The following GRIA1 variants were observed in gnomAD, a reference collection of about 807,000 sequenced individuals.
GRIA1 encodes glutamate receptor 1.
GRIA1 carries 31 observed loss-of-function variants against 99.2 expected under a neutral mutation model. The ratio of observed to expected loss-of-function variants is 0.31; its 90% CI spans 0.23 to 0.42. GRIA1 has a LOEUF of 0.42. Among genes scored for constraint, GRIA1 ranks in the 10% least tolerant of loss-of-function variants. The pLI, the probability that GRIA1 is intolerant of heterozygous loss-of-function variation, is 1.00. For synonymous variants in GRIA1, 438 were observed against 432.4 expected (o/e 1.01, Z -0.16); for missense variants, 782 against 1,157.5 (o/e 0.68, Z 4.71).
chr5:153,507,549 G>A (rs895897743), intron 2 of GRIA1, among the ~76,000 whole-genome samples: 2 of 152,138 alleles, frequency 1.3e-5, no homozygotes, highest in South Asian at 4.1e-4. Flanking sequence ...AAATGTGGGT[G>A]TCTGGTTTCA....
intron 2 of GRIA1, among the ~76,000 whole-genome samples, chr5:153,593,252 G>A (rs1764134371): frequency 6.6e-6 from 1 of 152,110 alleles, no homozygotes; most frequent in African/African-American, 2.4e-5. Flanking sequence ...GGGTGACAGA[G>A]TAAAATTCCA....
At chr5:153,563,301 C>T (rs887739860) in intron 2 of GRIA1, among the ~76,000 whole-genome samples, 4 of 152,014 alleles carry the variant, frequency 2.6e-5, no homozygotes, top group African/African-American at 9.7e-5. Context: ...GAGTTATTTT[C>T]CAGCCCACGA....
intron 13 of GRIA1, among the ~76,000 whole-genome samples, chr5:153,779,497 T>G (rs1581643933): frequency 6.6e-6 from 1 of 152,346 alleles, no homozygotes; most frequent in East Asian, 1.9e-4. Context: ...TTATTTGTTT[T>G]GGAGGATTCT....
intron 2 of GRIA1, among the ~76,000 whole-genome samples, chr5:153,499,689 A>G (rs536016755): frequency 1.6e-4 from 24 of 151,084 alleles, no homozygotes; most frequent in African/African-American, 5.1e-4. Flanking sequence ...AAATAGCCCA[A>G]CGGTAGAAGT....
At chr5:153,608,252 C>T (rs1157398847) in intron 2 of GRIA1, among the ~76,000 whole-genome samples, 1 of 152,098 alleles carries the variant, frequency 6.6e-6, no homozygotes, top group Non-Finnish European at 1.5e-5. Context: ...AATTTAACAT[C>T]ATTTGGGTAC....
chr5:153,548,078 T>G (rs1366828296), intron 2 of GRIA1, among the ~76,000 whole-genome samples: 1 of 152,188 alleles, frequency 6.6e-6, no homozygotes, highest in Non-Finnish European at 1.5e-5. Flanking sequence ...CTTGCATGAA[T>G]TTTTACTCCT....
intron 5 of GRIA1, among the ~76,000 whole-genome samples, chr5:153,661,923 T>A (rs1472265690): frequency 6.6e-6 from 1 of 152,172 alleles, no homozygotes; most frequent in Admixed American, 6.5e-5. Context: ...GGTTCATGCT[T>A]GAATAATACC....
chr5:153,562,424 G>A (rs1295634778), intron 2 of GRIA1, among the ~76,000 whole-genome samples: 1 of 152,134 alleles, frequency 6.6e-6, no homozygotes, highest in African/African-American at 2.4e-5. Flanking sequence ...GAGAATCTGT[G>A]ACCTCTGAGT....
At chr5:153,599,766 C>A (rs1201879098) in intron 2 of GRIA1, among the ~76,000 whole-genome samples, 1 of 151,848 alleles carries the variant, frequency 6.6e-6, no homozygotes, top group African/African-American at 2.4e-5. Context: ...AAGACTTAAA[C>A]GACTAACTCT....
Position 153,615,422 on chromosome 5 carries a change from G to A in GRIA1, c.221-31506G>A, listed in dbSNP as rs542036626. Among the ~76,000 whole-genome samples, 6 of 152,260 alleles carry A rather than the reference G, an allele frequency of 3.9e-5. No individual in the cohort carries two copies. In the South Asian group the frequency reaches 6.2e-4, roughly 16 times the overall value. The stretch of plus-strand genomic sequence containing the variant: ...ATTGGGAGTCTGAGATGAAAGGACC[G>A]CTTGAGACCAGGAGTATGAGACCAT... On this transcript the variant is annotated intron_variant, in intron 2 of 15. Transcript: ENST00000285900.
At chr5:153,729,639 CT>C (rs1426231495) in intron 11 of GRIA1, among the ~76,000 whole-genome samples, 5 of 152,028 alleles carry the variant, frequency 3.3e-5, no homozygotes, top group African/African-American at 1.2e-4. Flanking sequence ...TACATTTCAT[CT>C]TGTGAATTTT....
intron 2 of GRIA1, among the ~76,000 whole-genome samples, chr5:153,632,761 G>A (rs1753072636): frequency 1.3e-5 from 2 of 152,264 alleles, no homozygotes; most frequent in East Asian, 1.9e-4. Context: ...TTTTGAAATA[G>A]ATTAGACCCA....
intron 11 of GRIA1, among the ~76,000 whole-genome samples, chr5:153,741,209 A>G (rs946892432): frequency 7.9e-5 from 12 of 151,614 alleles, no homozygotes; most frequent in African/African-American, 2.9e-4. Flanking sequence ...CTCCTGACCT[A>G]GTGATCCGCC....
At chr5:153,692,156 A>G (rs1057360190) in intron 8 of GRIA1, among the ~76,000 whole-genome samples, 1 of 152,090 alleles carries the variant, frequency 6.6e-6, no homozygotes, top group South Asian at 2.1e-4. Flanking sequence ...CCTCCTTGTC[A>G]TTCAGGTCTC....
intron 2 of GRIA1, among the ~76,000 whole-genome samples, chr5:153,544,137 A>G (rs896426210): frequency 6.6e-6 from 1 of 152,164 alleles, no homozygotes; most frequent in Non-Finnish European, 1.5e-5. Context: ...GAGGAATGAT[A>G]TCACTGTGAT....
At position 153,699,034 on chromosome 5, in the gene GRIA1, G is replaced by C; in HGVS notation, c.1413G>C (p.Thr471=). 6.2e-7 allele frequency: 1 copy of C among 1,613,972 alleles called. No individual in the cohort carries two copies. Among genetic ancestry groups the C allele is most frequent in the Non-Finnish European group, 8.5e-7 (1 of 1,179,910 alleles). Residue 471 remains threonine (T), a synonymous_variant, in exon 10 of 16, where the codon ACG becomes ACC. Coordinates refer to ENST00000285900, the MANE Select transcript of GRIA1 (RefSeq NM_000827.4). ...DGKYGARDPD[T]KAWNGMVGEL... ...AATACGGAGCCCGAGACCCTGACAC[G>C]AAGGCCTGGAATGGCATGGTGGGAG...
At chr5:153,784,860 T>A (rs186985914) in intron 13 of GRIA1, among the ~76,000 whole-genome samples, 1 of 152,208 alleles carries the variant, frequency 6.6e-6, no homozygotes, top group East Asian at 1.9e-4. Flanking sequence ...AAGGAGTGCA[T>A]CTAGGACCCA....
chr5:153,809,887 C>T (rs916775065), intron 15 of GRIA1, among the ~76,000 whole-genome samples: 4 of 152,156 alleles, frequency 2.6e-5, no homozygotes, highest in Admixed American at 1.3e-4. Flanking sequence ...GAGAACAGAA[C>T]GCACCTTGAA....
chr5:153,736,852 C>T (rs564725598), intron 11 of GRIA1, among the ~76,000 whole-genome samples: 1 of 152,292 alleles, frequency 6.6e-6, no homozygotes, highest in African/African-American at 2.4e-5. Flanking sequence ...TCCACCCCTC[C>T]TCAGTTATTT....
Sources: gnomAD v4.1 joint callset for allele counts (sites outside exome capture counted in the v4.1 genomes callset) on GRCh38, gnomAD v4.1.1 for gene constraint, MANE v1.5 for transcripts, NCBI Gene and HGNC (gene_info 2026-07-23, HGNC 2026-07-21) for gene names.